The following CLYBL variants were observed in gnomAD, a reference collection of about 807,000 sequenced individuals.
The protein encoded by CLYBL is citramalyl-CoA lyase, mitochondrial.
CLYBL carries 31 observed loss-of-function variants against 38.9 expected under a neutral mutation model. That is an observed-to-expected ratio of 0.80 (90% CI 0.60 to 1.08). The LOEUF is 1.08. Ranked by LOEUF, CLYBL falls within the 50% of genes least tolerant of loss-of-function variation. The probability of loss-of-function intolerance (pLI) is 0.00; values close to 1 mark genes in which losing one functional copy is unlikely to be tolerated. For missense variants in CLYBL, 434 were observed against 411.6 expected, an observed-to-expected ratio of 1.05 and a Z score of -0.47; for synonymous variants, 171 against 158.6, an observed-to-expected ratio of 1.08 and a Z score of -0.59.
At chr13:99,808,147 G>A (rs1029088723) in intron 2 of CLYBL, among the ~76,000 whole-genome samples, 7 of 152,126 alleles carry the variant, frequency 4.6e-5, no homozygotes, top group South Asian at 2.1e-4. Context: ...GTGCAGTGGC[G>A]CAATCACAGC....
chr13:99,701,059 G>C (rs1012369589), intron 1 of CLYBL, among the ~76,000 whole-genome samples: 10 of 152,170 alleles, frequency 6.6e-5, no homozygotes. Context: ...CAGGCCGGTT[G>C]TCACTTCATC....
At chr13:99,908,472 G>A (rs761056982) in exon 10 of CLYBL, among the ~76,000 whole-genome samples, 6 of 152,206 alleles carry the variant, frequency 3.9e-5, no homozygotes, top group Non-Finnish European at 5.9e-5. Context: ...GCCCCGCCTC[G>A]CAGTGTGGAA....
chr13:99,803,585 T>C (rs776163303), intron 2 of CLYBL, among the ~76,000 whole-genome samples: 6 of 152,228 alleles, frequency 3.9e-5, no homozygotes, highest in Non-Finnish European at 7.3e-5. Flanking sequence ...TTTCCTAATA[T>C]GTGTAATGGA....
At chr13:99,621,107 G>A (rs78949345) in intron 1 of CLYBL, among the ~76,000 whole-genome samples, 1,820 of 152,234 alleles carry the variant, frequency 0.012, 44 homozygotes, top group African/African-American at 0.041. Flanking sequence ...AATCCTTACC[G>A]TTAAACCTCT....
chr13:99,755,144 G>T lies in CLYBL; in HGVS notation c.63-17680G>T, dbSNP rs181866842. Among the ~76,000 whole-genome samples the T allele has an allele frequency of 7.2e-3, 1,102 of 152,260 alleles. 4 individuals carry two copies. The highest frequency in any genetic ancestry group is 0.01 in the Non-Finnish European group (711 of 68,018). ...GCTCTCCTGACCTCGTGATCCGCCC[G>T]CCTCGGCCTCCCAGAGTGCTGGGAT... On this transcript the variant is annotated intron_variant, in intron 1 of 8. Coordinates refer to ENST00000339105, the MANE Select transcript of CLYBL (RefSeq NM_206808.5).
downstream of CLYBL, chr13:99,893,755 C>G (rs2052534431): frequency 6.6e-6 from 1 of 152,342 alleles, no homozygotes; most frequent in Admixed American, 6.5e-5. Context: ...AGGAGCCCTA[C>G]AGACCTGGGG....
At chr13:99,831,273 T>C (rs549297257) in intron 2 of CLYBL, among the ~76,000 whole-genome samples, 3 of 152,376 alleles carry the variant, frequency 2.0e-5, no homozygotes, top group South Asian at 4.1e-4. Context: ...TCATTTGTTA[T>C]GGTGGCCCTA....
intron 1 of CLYBL, among the ~76,000 whole-genome samples, chr13:99,661,447 CTG>C (rs1203234943): frequency 1.3e-5 from 2 of 152,128 alleles, no homozygotes; most frequent in Non-Finnish European, 2.9e-5. Flanking sequence ...GCAAAATTAA[CTG>C]TTGTTATTCT....
Position 99,655,291 on chromosome 13 carries a change from G to A in CLYBL, c.62+48534G>A, listed in dbSNP as rs563116324. ...GGGTTTTACCATGTTGGCCAGGCTGGTCTTGAACTCCTGACCTCAGATGAT... is the reference window on the plus strand; with the variant it reads ...GGGTTTTACCATGTTGGCCAGGCTGATCTTGAACTCCTGACCTCAGATGAT... On this transcript the variant is annotated intron_variant, in intron 1 of 8. Transcript: ENST00000339105. Among the ~76,000 whole-genome samples the A allele has an allele frequency of 5.3e-5, 8 of 152,206 alleles. No homozygotes were observed. In the South Asian group the frequency reaches 1.7e-3, roughly 32 times the overall value.
At chr13:99,771,459 C>A (rs2049393958) in intron 1 of CLYBL, among the ~76,000 whole-genome samples, 1 of 152,348 alleles carries the variant, frequency 6.6e-6, no homozygotes, top group Non-Finnish European at 1.5e-5. Flanking sequence ...ATATAATATT[C>A]TTCTGTTGCC....
At chr13:99,673,595 G>C (rs958146861) in intron 1 of CLYBL, among the ~76,000 whole-genome samples, 1 of 152,198 alleles carries the variant, frequency 6.6e-6, no homozygotes, top group Admixed American at 6.5e-5. Context: ...GAGCAGCCCT[G>C]TGTGTCCGTG....
At position 99,725,258 on chromosome 13, in the gene CLYBL, G is replaced by A. The variant is rs146036705; in HGVS notation, c.63-47566G>A. On this transcript the variant is annotated intron_variant, in intron 1 of 8. Coordinates refer to ENST00000339105, the MANE Select transcript of CLYBL (RefSeq NM_206808.5). ...ATGTAAAAGAAGAGAAGACCGAACAGTAAGATGGTGACTTGCTGTGGTAAT... is the reference window on the plus strand; with the variant it reads ...ATGTAAAAGAAGAGAAGACCGAACAATAAGATGGTGACTTGCTGTGGTAAT... Among the ~76,000 whole-genome samples, 7 of 152,346 alleles carry A rather than the reference G, an allele frequency of 4.6e-5. No homozygotes were observed. In the East Asian group the frequency reaches 1.3e-3, roughly 29 times the overall value.
rs78041626 is a variant in CLYBL, at chr13:99,715,178, T to C, written c.63-57646T>C. 4.0e-3 allele frequency among the ~76,000 whole-genome samples: 615 copies of C among 152,242 alleles called. 6 individuals carry two copies. The highest frequency in any genetic ancestry group is 0.014 in the African/African-American group (585 of 41,560). Reference sequence around the variant, plus strand: ...GGGGGATTAGACCTGGCTTCCAGCATTCTAGAAGCCAAGGCTAGGAGGCAA... The same window carrying C: ...GGGGGATTAGACCTGGCTTCCAGCACTCTAGAAGCCAAGGCTAGGAGGCAA... On this transcript the variant is annotated intron_variant, in intron 1 of 8. Coordinates refer to ENST00000339105, the MANE Select transcript of CLYBL (RefSeq NM_206808.5).
intron 2 of CLYBL, among the ~76,000 whole-genome samples, chr13:99,838,696 C>T (rs944388025): frequency 1.2e-4 from 19 of 152,134 alleles, no homozygotes; most frequent in Non-Finnish European, 4.4e-5. Context: ...AGTGCAGTGG[C>T]GCAATCTTGG....
intron 2 of CLYBL, among the ~76,000 whole-genome samples, chr13:99,779,523 A>T (rs1001508302): frequency 6.6e-6 from 1 of 152,214 alleles, no homozygotes; most frequent in African/African-American, 2.4e-5. Context: ...AAAGTCTATG[A>T]TGAAGAACCA....
intron 2 of CLYBL, among the ~76,000 whole-genome samples, chr13:99,837,537 G>C (rs2050967713): frequency 6.6e-6 from 1 of 152,182 alleles, no homozygotes; most frequent in Non-Finnish European, 1.5e-5. Context: ...AGTTGCTTTA[G>C]CCACAATATT....
At chr13:99,609,272 G>A (rs1383866256) in intron 1 of CLYBL, among the ~76,000 whole-genome samples, 1 of 145,812 alleles carries the variant, frequency 6.9e-6, no homozygotes, top group East Asian at 2.1e-4. Context: ...TGACTCCCGG[G>A]TTCAAGCGAT....
intron 1 of CLYBL, among the ~76,000 whole-genome samples, chr13:99,664,932 TAATAA>T (rs1313563797): frequency 6.6e-6 from 1 of 152,106 alleles, no homozygotes; most frequent in African/African-American, 2.4e-5. Context: ...TATAGCATAA[TAATAA>T]AATAGGAAAA....
At chr13:99,750,121 C>T (rs1345252435) in intron 1 of CLYBL, among the ~76,000 whole-genome samples, 1 of 152,126 alleles carries the variant, frequency 6.6e-6, no homozygotes, top group African/African-American at 2.4e-5. Flanking sequence ...ACAGGCCATA[C>T]AACACAGAAT....
Sources: gnomAD v4.1 joint callset for allele counts (sites outside exome capture counted in the v4.1 genomes callset) on GRCh38, gnomAD v4.1.1 for gene constraint, MANE v1.5 for transcripts, NCBI Gene and HGNC (gene_info 2026-07-23, HGNC 2026-07-21) for gene names.